Variants in SLC6A5 observed in about 807,000 individuals in gnomAD.
SLC6A5 encodes the protein sodium- and chloride-dependent glycine transporter 2.
SLC6A5 carries 58 observed loss-of-function variants against 90.5 expected under a neutral mutation model. That is an observed-to-expected ratio of 0.64 (90% confidence interval 0.52 to 0.80). The LOEUF is 0.80. Among genes scored for constraint, SLC6A5 ranks in the 30% least tolerant of loss-of-function variants. The pLI, the probability that SLC6A5 is intolerant of heterozygous loss-of-function variation, is 0.00. For missense variants in SLC6A5, 1,015 were observed against 1,017.6 expected (o/e 1.00, Z 0.03); for synonymous variants, 427 against 401.4 (o/e 1.06, Z -0.76).
At chr11:20,601,740 G>A (rs1276232360) in intron 2 of SLC6A5, 75 bp downstream of exon 2, 4 of 1,500,944 alleles carry the variant, frequency 2.7e-6, no homozygotes, top group Admixed American at 3.6e-5. Context: ...GGGCCGTGGC[G>A]GGTGCACGTA....
In SLC6A5 at chr11:20,655,116, G is replaced by C. The variant is rs1489335733; in HGVS notation, c.*248G>C. The stretch of plus-strand genomic sequence containing the variant: ...CTGTTTCTGGTCAGGTTGGTCCCCT[G>C]ACCACACGTTTTACCCTGCAGAGGA... On this transcript the variant is annotated 3_prime_UTR_variant, in exon 16 of 16. Transcript: ENST00000525748. The C allele has an allele frequency of 1.6e-5, 8 of 514,298 alleles. No individual in the cohort carries two copies. The highest frequency in any genetic ancestry group is 2.5e-5 in the Non-Finnish European group (7 of 276,750). 31.9% of individuals were successfully genotyped at this position (514,298 alleles called of 1,614,324 possible).
At chr11:20,601,036 G>C (rs1416778866) in intron 1 of SLC6A5, 93 bp from the exon 2 acceptor site, 11 of 1,297,870 alleles carry the variant, frequency 8.5e-6, no homozygotes, top group African/African-American at 4.5e-5. Context: ...TATTGTGTCT[G>C]GACCTGAGTT....
At chr11:20,611,544 T>G (rs1346145632) in intron 5 of SLC6A5, among the ~76,000 whole-genome samples, 1 of 152,198 alleles carries the variant, frequency 6.6e-6, no homozygotes, top group Non-Finnish European at 1.5e-5. Flanking sequence ...GTCCCAGGAC[T>G]TCACCCTGCA....
chr11:20,606,962 C>T, intron 3 of SLC6A5, 45 bp from the exon 4 acceptor site: 1 of 1,613,556 alleles, frequency 6.2e-7, no homozygotes. Flanking sequence ...GGGCAGCAGC[C>T]TGCTTTTGCC....
At chr11:20,645,101 C>T (rs1305596528) in intron 13 of SLC6A5, among the ~76,000 whole-genome samples, 1 of 152,096 alleles carries the variant, frequency 6.6e-6, no homozygotes, top group African/African-American at 2.4e-5. Context: ...GATAGAGCCA[C>T]CATGCCTGGC....
chr11:20,643,705 C>G (rs901169999), intron 13 of SLC6A5, among the ~76,000 whole-genome samples: 1 of 152,184 alleles, frequency 6.6e-6, no homozygotes, highest in African/African-American at 2.4e-5. Context: ...TAAAGTAGAG[C>G]AGGAAGCTCA....
At position 20,628,035 on chromosome 11, in the gene SLC6A5, G is replaced by A; in HGVS notation, c.1451G>A (p.Gly484Asp). The A allele has an allele frequency of 6.2e-7, 1 of 1,614,122 alleles. No individual in the cohort carries two copies. Among genetic ancestry groups the A allele is most frequent in the African/African-American group, 1.3e-5 (1 of 75,030 alleles). The change falls in exon 9 of 16, where the codon GGC becomes GAC. Residue 484 changes from glycine to aspartate, a missense_variant. Physicochemically the swap from Gly to Asp is moderately conservative, Grantham distance 94. Around this residue, in one of 3 missense-constraint regions of SLC6A5, gnomAD observed 442 missense variants for 494.3 expected, o/e 0.89. Transcript: ENST00000525748. Reference sequence around the variant, plus strand: ...TTCTCTTTATCTGCTGCATGGGGAGGCCTGATCACTCTCTCTTCTTACAAC... The same window carrying A: ...TTCTCTTTATCTGCTGCATGGGGAGACCTGATCACTCTCTCTTCTTACAAC... ...IFFSLSAAWG[G>D]LITLSSYNKF...
At chr11:20,604,629 T>C (rs1430188995) in intron 3 of SLC6A5, among the ~76,000 whole-genome samples, 1 of 152,066 alleles carries the variant, frequency 6.6e-6, no homozygotes, top group Non-Finnish European at 1.5e-5. Context: ...CCGGAGTATC[T>C]TATCTAGAGA....
Position 20,638,390 on chromosome 11 carries a change from G to A in SLC6A5, c.1870-69G>A, listed in dbSNP as rs924487050. ...CTTTTTAGGATTGAGAGAACTGGCT[G>A]TTAAACGTGGGAAGAGACAGCCTGG... On this transcript the variant is annotated intron_variant, in intron 12 of 15. Transcript: ENST00000525748. 4 of 954,258 alleles carry A rather than the reference G, an allele frequency of 4.2e-6. No homozygotes were observed. The Admixed American group carries it at 6.8e-5, about 16-fold the overall frequency. The allele number at this position is 954,258 out of a possible 1,614,324, so 59.1% of individuals were successfully genotyped here. A position where few individuals can be genotyped will look rare whatever the true frequency, so the allele number is the denominator to read the frequency against.
intron 15 of SLC6A5, among the ~76,000 whole-genome samples, chr11:20,653,364 A>G (rs1031686717): frequency 3.3e-5 from 5 of 152,188 alleles, no homozygotes; most frequent in Non-Finnish European, 7.3e-5. Flanking sequence ...CCTGGCATCT[A>G]CAGTTTAACA....
intron 8 of SLC6A5, 86 bp from the exon 9 acceptor site, chr11:20,627,894 A>T: frequency 1.1e-6 from 1 of 926,724 alleles, no homozygotes; most frequent in Non-Finnish European, 1.8e-6. Flanking sequence ...CCCTGGAAAC[A>T]TGATATGGCA....
At position 20,603,485 on chromosome 11, in the gene SLC6A5, G is replaced by A. The variant is rs559730415; in HGVS notation, c.541-801G>A. Among the ~76,000 whole-genome samples, 8 of 152,308 alleles carry A rather than the reference G, an allele frequency of 5.3e-5. No individual in the cohort carries two copies. In the South Asian group the frequency reaches 1.0e-3, roughly 20 times the overall value. On this transcript the variant is annotated intron_variant, in intron 2 of 15. Coordinates refer to ENST00000525748, the MANE Select transcript of SLC6A5 (RefSeq NM_004211.5). ...TAAGCCTCTTTTACAGATGAGACAC[G>A]GAGGTTCAGAGAGAGCAAGTGGCTT...
At chr11:20,643,351 T>A (rs1853350627) in intron 13 of SLC6A5, among the ~76,000 whole-genome samples, 1 of 152,088 alleles carries the variant, frequency 6.6e-6, no homozygotes. Flanking sequence ...GAAGGCCTAG[T>A]GATCAGAGGC....
chr11:20,627,504 T>C (rs1359088703), intron 8 of SLC6A5, among the ~76,000 whole-genome samples: 1 of 152,198 alleles, frequency 6.6e-6, no homozygotes, highest in African/African-American at 2.4e-5. Context: ...AGGTAGGACG[T>C]GACACTATAA....
intron 1 of SLC6A5, among the ~76,000 whole-genome samples, chr11:20,600,507 T>A (rs1852449781): frequency 6.6e-6 from 1 of 152,258 alleles, no homozygotes; most frequent in African/African-American, 2.4e-5. Flanking sequence ...ATCTAGTTAC[T>A]ACTCTGTGTC....
At chr11:20,650,364 C>T (rs556639122) in intron 14 of SLC6A5, among the ~76,000 whole-genome samples, 1 of 152,254 alleles carries the variant, frequency 6.6e-6, no homozygotes, top group South Asian at 2.1e-4. Context: ...GCTGCACTGG[C>T]CAAGTCTTCA....
At chr11:20,615,500 T>C (rs1426808815) in intron 6 of SLC6A5, among the ~76,000 whole-genome samples, 1 of 152,154 alleles carries the variant, frequency 6.6e-6, no homozygotes, top group Non-Finnish European at 1.5e-5. Context: ...CCCGAGGAGC[T>C]GGGACTACAG....
Position 20,638,688 on chromosome 11 carries a change from G to A in SLC6A5, c.1969+130G>A, listed in dbSNP as rs1853257372. The A allele has an allele frequency of 1.1e-5, 8 of 716,970 alleles. No homozygotes were observed. In the East Asian group the frequency reaches 1.9e-4, roughly 17 times the overall value. The allele number at this position is 716,970 out of a possible 1,614,324, so 44.4% of individuals were successfully genotyped here. A position where few individuals can be genotyped will look rare whatever the true frequency, so the allele number is the denominator to read the frequency against. On this transcript the variant is annotated intron_variant, in intron 13 of 15. Coordinates refer to ENST00000525748, the MANE Select transcript of SLC6A5 (RefSeq NM_004211.5). The stretch of plus-strand genomic sequence containing the variant: ...TTGCAACTATTTAGGAAACCTAAGA[G>A]AGCTGCACTTTTGTTTCTAAACTTG...
In SLC6A5 at chr11:20,601,296, C is replaced by G; in HGVS notation, c.171C>G (p.Thr57=). Reference sequence around the variant, plus strand: ...CACGTGTGCCCAGGTCCGCTTCCACCGGCGCCCAAACTTTCCAGTCAGCGG... The same window carrying G: ...CACGTGTGCCCAGGTCCGCTTCCACGGGCGCCCAAACTTTCCAGTCAGCGG... ...PPPRVPRSAS[T]GAQTFQSADA... is the part of the protein sequence containing the mutation. The change falls in exon 2 of 16, where the codon ACC becomes ACG. Residue 57 remains threonine, a synonymous_variant. Transcript: ENST00000525748. 6.3e-7 allele frequency: 1 copy of G among 1,590,390 alleles called. No homozygotes were observed. Among genetic ancestry groups the G allele is most frequent in the Non-Finnish European group, 8.5e-7 (1 of 1,173,792 alleles).
Sources: gnomAD v4.1 joint callset for allele counts (sites outside exome capture counted in the v4.1 genomes callset) on GRCh38, gnomAD v4.1.1 for gene constraint, gnomAD v4.1.1 regional missense constraint, MANE v1.5 for transcripts, NCBI Gene and HGNC (gene_info 2026-07-23, HGNC 2026-07-21) for gene names.